DRD3: variants seen among roughly 807,000 people sequenced by gnomAD.
The protein encoded by DRD3 is D(3) dopamine receptor.
DRD3 carries 19 observed loss-of-function variants against 36.3 expected under a neutral mutation model. The observed-to-expected ratio is 0.52, with a 90% CI of 0.36 to 0.77. The LOEUF is 0.77. Among genes scored for constraint, DRD3 ranks in the 30% least tolerant of loss-of-function variants. The pLI is 0.00. For synonymous variants in DRD3, 195 were observed against 203.7 expected (o/e 0.96, Z 0.36); for missense variants, 465 against 505.3 (o/e 0.92, Z 0.77).
chr3:114,198,210 T>A (rs2078047194), intron 1 of DRD3, among the ~76,000 whole-genome samples: 1 of 151,706 alleles, frequency 6.6e-6, no homozygotes, highest in Non-Finnish European at 1.5e-5. Flanking sequence ...TAAATGATAT[T>A]GTTTCATAAT....
intron 1 of DRD3, among the ~76,000 whole-genome samples, chr3:114,176,843 T>A (rs1165806292): frequency 6.6e-6 from 1 of 152,164 alleles, no homozygotes; most frequent in South Asian, 2.1e-4. Flanking sequence ...TTAATAATTA[T>A]AGCTAAAATT....
At chr3:114,159,907 GA>G (rs1196662357) in intron 2 of DRD3, 40 bp from the exon 3 acceptor site, 1 of 1,584,342 alleles carries the variant, frequency 6.3e-7, no homozygotes, top group Non-Finnish European at 8.7e-7. Flanking sequence ...TTACCCCAGT[GA>G]AGGAACGACA....
In DRD3 at chr3:114,139,621, A is replaced by T. The variant is rs2077506625; in HGVS notation, c.602T>A (p.Phe201Tyr). 3 of 1,614,066 alleles carry T rather than the reference A, an allele frequency of 1.9e-6. No homozygotes were observed. In the South Asian group the frequency reaches 3.3e-5, roughly 18 times the overall value. Residue 201 changes from phenylalanine to tyrosine, a missense_variant, in exon 5 of 7, where the codon TTT (phenylalanine) becomes TAT (tyrosine). By Grantham distance (22) the Phe-to-Tyr change is conservative. Coordinates refer to ENST00000383673, the MANE Select transcript of DRD3 (RefSeq NM_000796.6). Reference protein sequence around the residue: ...YSSVVSFYLPFGVTVLVYARI... With the variant: ...YSSVVSFYLPYGVTVLVYARI... ...GGCATAGACAAGGACAGTCACTCCA[A>T]AGGGCAGGTAGAAGGACACCACTGA...
chr3:114,147,529 A>G lies in DRD3; in HGVS notation c.412T>C (p.Tyr138His), dbSNP rs2077579778. ...RYTAVVMPVH[Y>H]QHGTGQSSCR... ...GAGCTCTGTCCCGTGCCATGCTGGT[A>G]GTGAACGGGCATGACCACTGCAGTG... is the stretch of plus-strand genomic sequence containing the variant. The change falls in exon 4 of 7, where the codon TAC becomes CAC. Residue 138 changes from tyrosine to histidine, a missense_variant. Tyr to His is a moderately conservative substitution (Grantham distance 83). Coordinates refer to ENST00000383673, the MANE Select transcript of DRD3 (RefSeq NM_000796.6). The G allele has an allele frequency of 6.2e-7, 1 of 1,614,002 alleles. No homozygotes were observed.
intron 4 of DRD3, among the ~76,000 whole-genome samples, chr3:114,143,370 C>A (rs1165722740): frequency 6.6e-6 from 1 of 151,980 alleles, no homozygotes; most frequent in Non-Finnish European, 1.5e-5. Flanking sequence ...GATGAAGAGT[C>A]ATCTATTTAC....
chr3:114,170,487 T>C (rs566023877), intron 2 of DRD3, among the ~76,000 whole-genome samples: 94 of 152,136 alleles, frequency 6.2e-4, no homozygotes, highest in Non-Finnish European at 1.0e-3. Flanking sequence ...CCAACTAGGA[T>C]TATCCTAACT....
chr3:114,144,255 G>A (rs1318218719), intron 4 of DRD3, among the ~76,000 whole-genome samples: 1 of 152,174 alleles, frequency 6.6e-6, no homozygotes, highest in African/African-American at 2.4e-5. Flanking sequence ...ATTTCGTGTG[G>A]CAGCCCATGG....
chr3:114,198,809 C>T (rs528588527), intron 1 of DRD3, among the ~76,000 whole-genome samples: 7 of 152,148 alleles, frequency 4.6e-5, no homozygotes, highest in African/African-American at 1.7e-4. Context: ...ATGATCATAC[C>T]TCATTGCAGC....
upstream of DRD3, among the ~76,000 whole-genome samples, chr3:114,179,597 G>A (rs1451486040): frequency 1.3e-5 from 2 of 152,194 alleles, no homozygotes; most frequent in African/African-American, 2.4e-5. Flanking sequence ...AAAGTCAGCA[G>A]TAGAACATAA....
chr3:114,172,797 G>C (rs1486011), intron 1 of DRD3, among the ~76,000 whole-genome samples: 9,912 of 152,172 alleles, frequency 0.065, 370 homozygotes, highest in South Asian at 0.11. Flanking sequence ...CCTGAGTCTG[G>C]GTAATTTATA....
intron 3 of DRD3, among the ~76,000 whole-genome samples, chr3:114,152,996 C>G (rs1018749788): frequency 6.6e-6 from 1 of 152,250 alleles, no homozygotes; most frequent in Non-Finnish European, 1.5e-5. Context: ...AGGGACCCTC[C>G]CCTTGTGTCT....
chr3:114,148,143 A>T (rs2077585139), intron 3 of DRD3, among the ~76,000 whole-genome samples: 1 of 152,218 alleles, frequency 6.6e-6, no homozygotes, highest in African/African-American at 2.4e-5. Flanking sequence ...TTAACACAGG[A>T]TCACTGGATT....
At chr3:114,138,873 A>G (rs2077498418) in intron 5 of DRD3, among the ~76,000 whole-genome samples, 1 of 152,230 alleles carries the variant, frequency 6.6e-6, no homozygotes, top group African/African-American at 2.4e-5. Flanking sequence ...TGATCGGTAT[A>G]TATCCATTCA....
At chr3:114,160,869 G>T (rs2077726023) in intron 2 of DRD3, among the ~76,000 whole-genome samples, 1 of 96,096 alleles carries the variant, frequency 1.0e-5, no homozygotes, top group African/African-American at 2.7e-5. Context: ...TCATGAGGAT[G>T]GTTTCAACCT....
At chr3:114,190,310 G>C (rs886532114) in intron 1 of DRD3, among the ~76,000 whole-genome samples, 14 of 149,698 alleles carry the variant, frequency 9.4e-5, no homozygotes, top group African/African-American at 3.2e-4. Context: ...CTGGCTGGCT[G>C]CCCACTGGGC....
At chr3:114,168,418 A>G (rs1173157245) in intron 2 of DRD3, among the ~76,000 whole-genome samples, 2 of 152,214 alleles carry the variant, frequency 1.3e-5, no homozygotes, top group African/African-American at 4.8e-5. Flanking sequence ...CATCTTTTAT[A>G]AATAAAACAC....
intron 1 of DRD3, among the ~76,000 whole-genome samples, chr3:114,190,623 T>C (rs2078006189): frequency 6.6e-6 from 1 of 150,698 alleles, no homozygotes; most frequent in Non-Finnish European, 1.5e-5. Flanking sequence ...GGCTCTGCCC[T>C]GAACAGCTTA....
At chr3:114,136,747 T>C (rs1486262294) in intron 5 of DRD3, among the ~76,000 whole-genome samples, 1 of 152,244 alleles carries the variant, frequency 6.6e-6, no homozygotes, top group Non-Finnish European at 1.5e-5. Flanking sequence ...CAGAGAGGAA[T>C]ACTGTTCTCA....
chr3:114,159,245 C>G (rs140256492), intron 3 of DRD3, among the ~76,000 whole-genome samples: 7 of 152,226 alleles, frequency 4.6e-5, no homozygotes, highest in Non-Finnish European at 7.4e-5. Flanking sequence ...TAGATCACAG[C>G]CATGCTTTCT....
Sources: gnomAD v4.1 joint callset for allele counts (sites outside exome capture counted in the v4.1 genomes callset) on GRCh38, gnomAD v4.1.1 for gene constraint, MANE v1.5 for transcripts, NCBI Gene and HGNC (gene_info 2026-07-23, HGNC 2026-07-21) for gene names.